Variants in MYO1E observed in about 807,000 individuals in gnomAD.
MYO1E encodes the protein myosin IE.
In MYO1E, 68 loss-of-function variants were observed where a neutral mutation model predicts 151.1. That is an observed-to-expected ratio of 0.45 (90% confidence interval 0.37 to 0.55). MYO1E has a LOEUF of 0.55. MYO1E is among the 20% of genes least tolerant of loss of function. The pLI, the probability that MYO1E is intolerant of heterozygous loss-of-function variation, is 0.00. For missense variants in MYO1E, 1,363 were observed against 1,389.3 expected, an observed-to-expected ratio of 0.98 and a Z score of 0.30; for synonymous variants, 601 against 501.7, an observed-to-expected ratio of 1.20 and a Z score of -2.64.
chr15:59,194,700 A>G (rs2079755297), intron 17 of MYO1E, among the ~76,000 whole-genome samples: 1 of 152,186 alleles, frequency 6.6e-6, no homozygotes, highest in Non-Finnish European at 1.5e-5. Flanking sequence ...GCTTCTATGG[A>G]CAGTGGGATC....
chr15:59,233,661 TA>T (rs11285934), intron 5 of MYO1E, among the ~76,000 whole-genome samples: 16,014 of 77,652 alleles, frequency 0.21, 1,312 homozygotes, highest in East Asian at 0.52. Context: ...AGACTCCGTC[TA>T]AAAAAAAAAA....
intron 17 of MYO1E, among the ~76,000 whole-genome samples, chr15:59,189,669 G>A (rs1178111728): frequency 1.3e-5 from 2 of 152,146 alleles, no homozygotes; most frequent in Non-Finnish European, 2.9e-5. Context: ...CCGCCTTGTG[G>A]GTTCAAGAGA....
chr15:59,164,426 T>G (rs1408356558), intron 22 of MYO1E, among the ~76,000 whole-genome samples: 2 of 152,214 alleles, frequency 1.3e-5, no homozygotes, highest in Admixed American at 1.3e-4. Flanking sequence ...TCTCTCCAAG[T>G]GCCACAGACA....
chr15:59,212,114 C>T (rs2079882766), intron 12 of MYO1E, among the ~76,000 whole-genome samples: 1 of 152,100 alleles, frequency 6.6e-6, no homozygotes. Context: ...TCCCCTCTCC[C>T]ATCTCACTGG....
intron 12 of MYO1E, 42 bp from the exon 13 acceptor site, chr15:59,210,642 GCAAGAGCTCTGCACGGA>G: frequency 7.2e-7 from 1 of 1,396,238 alleles, no homozygotes; most frequent in Non-Finnish European, 1.0e-6. Flanking sequence ...TTCCCAGATA[GCAAGAGCTCTGCACGGA>G]CAGACCCTGA....
intron 1 of MYO1E, among the ~76,000 whole-genome samples, chr15:59,354,496 C>T (rs1431479076): frequency 6.6e-6 from 1 of 152,142 alleles, no homozygotes; most frequent in Non-Finnish European, 1.5e-5. Context: ...GAAAAGCCCT[C>T]GCTTGGGGTC....
intron 18 of MYO1E, 57 bp from the exon 19 acceptor site, chr15:59,178,594 T>C: frequency 6.3e-7 from 1 of 1,594,164 alleles, no homozygotes; most frequent in Non-Finnish European, 8.6e-7. Context: ...ACTGGTTTTC[T>C]ACCCGGGCAA....
At position 59,159,685 on chromosome 15, in the gene MYO1E, G is replaced by C. The variant is rs1213763933; in HGVS notation, c.2786-1306C>G. ...TTCAGAAATCCCTCCAAAAGTTGCT[G>C]TCTGTTTTCTGCAAGTACTAACGGA... On this transcript the variant is annotated intron_variant, in intron 24 of 27. Coordinates refer to ENST00000288235, the MANE Select transcript of MYO1E (RefSeq NM_004998.4). The surrounding 1 kb of genome is among the most constrained non-coding windows in gnomAD (Gnocchi z 4.4). Among the ~76,000 whole-genome samples the C allele has an allele frequency of 6.6e-6, 1 of 152,062 alleles. No individual in the cohort carries two copies. Among genetic ancestry groups the C allele is most frequent in the East Asian group, 2.0e-4 (1 of 5,122 alleles).
intron 13 of MYO1E, among the ~76,000 whole-genome samples, chr15:59,209,633 G>A (rs1317859290): frequency 1.3e-5 from 2 of 151,754 alleles, no homozygotes; most frequent in African/African-American, 2.4e-5. Context: ...CCAAGATGGC[G>A]CCACTGCACT....
chr15:59,188,055 A>G, intron 18 of MYO1E, 63 bp downstream of exon 18: 2 of 1,251,094 alleles, frequency 1.6e-6, no homozygotes, highest in Non-Finnish European at 2.3e-6. Context: ...GGTGAATTGT[A>G]TAGATTTGAA....
At chr15:59,256,168 A>G in intron 4 of MYO1E, 116 bp downstream of exon 4, 2 of 768,534 alleles carry the variant, frequency 2.6e-6, no homozygotes, top group Non-Finnish European at 2.3e-6. Flanking sequence ...ACTCAGACAC[A>G]TTAACCAGGC....
At chr15:59,231,664 A>G in intron 6 of MYO1E, 38 bp downstream of exon 6, 1 of 1,596,774 alleles carries the variant, frequency 6.3e-7, no homozygotes, top group Non-Finnish European at 8.6e-7. Context: ...CAACATCATC[A>G]ATCAAGCGAC....
chr15:59,242,864 ACT>A (rs764319416), intron 4 of MYO1E, among the ~76,000 whole-genome samples: 53 of 152,332 alleles, frequency 3.5e-4, no homozygotes, highest in Admixed American at 1.0e-3. Context: ...AAATGGGTAG[ACT>A]CAGCCTGAAG....
At chr15:59,347,387 G>A (rs1020121673) in intron 1 of MYO1E, among the ~76,000 whole-genome samples, 1 of 152,122 alleles carries the variant, frequency 6.6e-6, no homozygotes, top group Non-Finnish European at 1.5e-5. Context: ...ACCGGTCCCT[G>A]GTGCCAAAAA....
chr15:59,264,366 A>T lies in MYO1E; in HGVS notation c.148-2857T>A, dbSNP rs531285678. 3.3e-5 allele frequency among the ~76,000 whole-genome samples: 5 copies of T among 152,330 alleles called. No individual in the cohort carries two copies. The East Asian group carries it at 7.7e-4, about 23-fold the overall frequency. On this transcript the variant is annotated intron_variant, in intron 2 of 27. Coordinates refer to ENST00000288235, the MANE Select transcript of MYO1E (RefSeq NM_004998.4). ...GGATCCCACGCCCATACTCTTAATC[A>T]AAAGCTAGAATGTCTAAGATAAGCA...
chr15:59,217,541 T>G (rs2079926785), intron 10 of MYO1E, among the ~76,000 whole-genome samples: 1 of 141,230 alleles, frequency 7.1e-6, no homozygotes, highest in African/African-American at 2.8e-5. Context: ...TTTTTTTTTT[T>G]GGGAGATAGG....
At chr15:59,255,477 C>T (rs1349352645) in intron 4 of MYO1E, among the ~76,000 whole-genome samples, 2 of 152,024 alleles carry the variant, frequency 1.3e-5, no homozygotes, top group East Asian at 1.9e-4. Flanking sequence ...TCACTGCAAC[C>T]TCCTCATCCC....
chr15:59,297,881 T>C (rs2080460220), intron 1 of MYO1E, among the ~76,000 whole-genome samples: 1 of 152,196 alleles, frequency 6.6e-6, no homozygotes, highest in Non-Finnish European at 1.5e-5. Context: ...CCTTTGTCTT[T>C]TATGATGGTG....
At chr15:59,153,533 T>C (rs1436533089) in intron 26 of MYO1E, 57 bp downstream of exon 26, 5 of 1,572,050 alleles carry the variant, frequency 3.2e-6, no homozygotes, top group South Asian at 1.1e-5. Context: ...TGAACCCTTG[T>C]TTTGAATGAT....
Sources: allele counts gnomAD v4.1 joint callset (sites outside exome capture counted in the v4.1 genomes callset), GRCh38; gene constraint gnomAD v4.1.1; non-coding constraint Gnocchi (gnomAD v3.1); transcripts MANE v1.5; gene names NCBI Gene and HGNC (gene_info 2026-07-23, HGNC 2026-07-21).